The following ZNF407 variants were observed in gnomAD, a reference collection of about 807,000 sequenced individuals.
ZNF407 encodes the protein zinc finger protein 407.
In ZNF407, 17 loss-of-function variants were observed where a neutral mutation model predicts 131.2. That is an observed-to-expected ratio of 0.13 (90% CI 0.09 to 0.19). ZNF407 has a LOEUF of 0.19. Among genes scored for constraint, ZNF407 ranks in the 10% least tolerant of loss-of-function variants. ZNF407 has a pLI of 1.00. For missense variants in ZNF407, 2,681 were observed against 2,830.6 expected (o/e 0.95, Z 1.20); for synonymous variants, 1,156 against 1,062.0 (o/e 1.09, Z -1.72).
At chr18:74,981,183 G>A (rs1024619444) in intron 8 of ZNF407, among the ~76,000 whole-genome samples, 5 of 152,176 alleles carry the variant, frequency 3.3e-5, no homozygotes, top group African/African-American at 7.2e-5. Flanking sequence ...GATACTCAAC[G>A]CCCAAGGGCA....
At position 74,979,257 on chromosome 18, in the gene ZNF407, G is replaced by A. The variant is rs539461963; in HGVS notation, c.5428+58565G>A. Among the ~76,000 whole-genome samples the A allele has an allele frequency of 3.9e-5, 6 of 152,144 alleles. No homozygotes were observed. In the East Asian group the frequency reaches 5.8e-4, roughly 15 times the overall value. Reference sequence around the variant, plus strand: ...TGGCAGAGTACAGGCATTCAAGTGCGGTTATCAACATTTAAAATTAAGCTA... The same window carrying A: ...TGGCAGAGTACAGGCATTCAAGTGCAGTTATCAACATTTAAAATTAAGCTA... On this transcript the variant is annotated intron_variant, in intron 8 of 8. Coordinates refer to ENST00000299687, the MANE Select transcript of ZNF407 (RefSeq NM_017757.3).
rs771222411 is a variant in ZNF407 at position 74,634,872 on chromosome 18, G to T, written c.3853G>T (p.Val1285Phe). The change falls in exon 2 of 9, where the codon GTT becomes TTT. Residue 1285 changes from valine to phenylalanine, a missense_variant. Val to Phe is a conservative substitution (Grantham distance 50). This residue lies in a region of ZNF407 where 1,789 missense variants were observed against 1,748.7 expected (regional missense o/e 1.02). Coordinates refer to ENST00000299687, the MANE Select transcript of ZNF407 (RefSeq NM_017757.3). ...GNLESGGQNR[V>F]ARGHGLEDLK... ...TCTGGAGAGCGGGGGTCAGAACAGAGTTGCACGTGGGCATGGTTTGGAAGA... is the reference window on the plus strand; with the variant it reads ...TCTGGAGAGCGGGGGTCAGAACAGATTTGCACGTGGGCATGGTTTGGAAGA... 2 of 1,613,534 alleles carry T rather than the reference G, an allele frequency of 1.2e-6. No individual in the cohort carries two copies. Among genetic ancestry groups the T allele is most frequent in the East Asian group, 4.5e-5 (2 of 44,886 alleles).
intron 3 of ZNF407, among the ~76,000 whole-genome samples, chr18:74,648,249 G>A (rs1985063753): frequency 6.6e-6 from 1 of 152,148 alleles, no homozygotes; most frequent in Non-Finnish European, 1.5e-5. Flanking sequence ...ATTAGCAGGG[G>A]CAGCCCATTC....
intron 4 of ZNF407, among the ~76,000 whole-genome samples, chr18:74,828,282 G>T (rs1459737511): frequency 6.6e-6 from 1 of 152,142 alleles, no homozygotes; most frequent in Non-Finnish European, 1.5e-5. Flanking sequence ...GGAGATACCT[G>T]GATATTCCTT....
intron 4 of ZNF407, among the ~76,000 whole-genome samples, chr18:74,815,800 C>T (rs1202928122): frequency 6.6e-6 from 1 of 152,116 alleles, no homozygotes; most frequent in Non-Finnish European, 1.5e-5. Context: ...TATGACATCA[C>T]GATATGGCTA....
At chr18:74,918,792 AGAGT>A (rs1343421418) in intron 7 of ZNF407, among the ~76,000 whole-genome samples, 1 of 142,234 alleles carries the variant, frequency 7.0e-6, no homozygotes, top group Non-Finnish European at 1.5e-5. Context: ...TTGAAAAATA[AGAGT>A]AAGTGGGCAT....
intron 3 of ZNF407, among the ~76,000 whole-genome samples, chr18:74,652,745 A>G (rs1398808625): frequency 6.9e-6 from 1 of 145,604 alleles, no homozygotes; most frequent in African/African-American, 2.7e-5. Context: ...AACTATTGGC[A>G]AAACTTTCCT....
At chr18:74,996,120 G>A (rs1441224630) in intron 8 of ZNF407, among the ~76,000 whole-genome samples, 1 of 152,126 alleles carries the variant, frequency 6.6e-6, no homozygotes, top group Non-Finnish European at 1.5e-5. Context: ...TGAATAGTAG[G>A]ATTTTATGTT....
At chr18:74,693,220 T>C (rs1008841315) in intron 3 of ZNF407, among the ~76,000 whole-genome samples, 2 of 152,244 alleles carry the variant, frequency 1.3e-5, no homozygotes, top group African/African-American at 4.8e-5. Flanking sequence ...TTTATGTGGT[T>C]GCTTTATGAT....
At chr18:74,836,642 G>A (rs1001966897) in intron 4 of ZNF407, among the ~76,000 whole-genome samples, 1 of 152,282 alleles carries the variant, frequency 6.6e-6, no homozygotes, top group South Asian at 2.1e-4. Context: ...GATCTCTTTA[G>A]GTGTTTGATG....
intron 1 of ZNF407, among the ~76,000 whole-genome samples, chr18:74,612,301 G>A (rs963033388): frequency 6.6e-6 from 1 of 152,100 alleles, no homozygotes; most frequent in Admixed American, 6.5e-5. Context: ...AAGGTGATGG[G>A]AACACAGAGG....
rs140135856 is a variant in ZNF407, at chr18:74,605,697, A to G, written c.-54+7760A>G. ...ACATGTTAAGAAAGTAGGGAATTAT[A>G]TAACTTTTTATAGGATTTCTATGAA... On this transcript the variant is annotated intron_variant, in intron 1 of 8. Coordinates refer to ENST00000299687, the MANE Select transcript of ZNF407 (RefSeq NM_017757.3). 5.3e-4 allele frequency among the ~76,000 whole-genome samples: 81 copies of G among 152,368 alleles called. No homozygotes were observed. In the East Asian group the frequency reaches 0.013, roughly 24 times the overall value.
chr18:74,856,068 G>T (rs1599200162), intron 4 of ZNF407, among the ~76,000 whole-genome samples: 1 of 152,092 alleles, frequency 6.6e-6, no homozygotes, highest in African/African-American at 2.4e-5. Context: ...AAATTGTTTT[G>T]TTCGGACTTT....
chr18:74,783,859 T>C (rs1268886289), intron 4 of ZNF407, among the ~76,000 whole-genome samples: 1 of 152,208 alleles, frequency 6.6e-6, no homozygotes, highest in Admixed American at 6.5e-5. Context: ...AAAAATTCTT[T>C]GAGAGGACTT....
intron 4 of ZNF407, among the ~76,000 whole-genome samples, chr18:74,871,225 A>C (rs1424930199): frequency 6.6e-6 from 1 of 152,196 alleles, no homozygotes; most frequent in Non-Finnish European, 1.5e-5. Flanking sequence ...TTTCAGATAC[A>C]GTTGCAGCTC....
chr18:74,811,051 G>A (rs954530762), intron 4 of ZNF407, among the ~76,000 whole-genome samples: 2 of 152,104 alleles, frequency 1.3e-5, no homozygotes, highest in African/African-American at 4.8e-5. Flanking sequence ...AAGAGCTTCT[G>A]TACAGCAAAA....
intron 3 of ZNF407, among the ~76,000 whole-genome samples, chr18:74,734,662 A>G (rs1968369717): frequency 7.2e-6 from 1 of 138,130 alleles, no homozygotes; most frequent in Non-Finnish European, 1.6e-5. Context: ...TACCATTTTG[A>G]GTTTCAATTT....
intron 3 of ZNF407, among the ~76,000 whole-genome samples, chr18:74,749,074 G>A (rs1253324187): frequency 1.3e-5 from 2 of 152,182 alleles, no homozygotes; most frequent in Admixed American, 6.5e-5. Flanking sequence ...AAAACAGCAG[G>A]TGGCTGCTGT....
intron 3 of ZNF407, among the ~76,000 whole-genome samples, chr18:74,749,440 C>G (rs1341303603): frequency 6.6e-6 from 1 of 152,118 alleles, no homozygotes; most frequent in African/African-American, 2.4e-5. Context: ...CCATTTTGCC[C>G]TCATGCTGCA....
Sources: allele counts gnomAD v4.1 joint callset (sites outside exome capture counted in the v4.1 genomes callset), GRCh38; gene constraint gnomAD v4.1.1; regional missense constraint gnomAD v4.1.1; transcripts MANE v1.5; gene names NCBI Gene and HGNC (gene_info 2026-07-23, HGNC 2026-07-21).